The following PNPLA1 variants were observed in gnomAD, a reference collection of about 807,000 sequenced individuals.
PNPLA1 encodes the protein patatin like domain 1, omega-hydroxyceramide transacylase, also known as omega-hydroxyceramide transacylase.
A neutral mutation model predicts 51.7 loss-of-function variants in PNPLA1; 36 were observed. That is an observed-to-expected ratio of 0.70 (90% CI 0.53 to 0.92). The LOEUF (loss-of-function observed/expected upper bound fraction) is 0.92, where lower values mean the gene tolerates loss of function less well. Ranked by LOEUF, PNPLA1 falls within the 40% of genes least tolerant of loss-of-function variation. The probability of loss-of-function intolerance (pLI) is 0.00; values close to 1 mark genes in which losing one functional copy is unlikely to be tolerated. For missense variants in PNPLA1, 658 were observed against 682.5 expected (o/e 0.96, Z 0.40); for synonymous variants, 293 against 280.1 (o/e 1.05, Z -0.46).
rs905820132 is a variant in PNPLA1, at chr6:36,291,647, C to G, written c.438+95C>G. 15 of 1,046,098 alleles carry G rather than the reference C, an allele frequency of 1.4e-5. No individual in the cohort carries two copies. In the Admixed American group the frequency reaches 2.4e-4, roughly 16 times the overall value. The allele number at this position is 1,046,098 out of a possible 1,614,324, so 64.8% of individuals were successfully genotyped here. On this transcript the variant is annotated intron_variant, in intron 2 of 8. Coordinates refer to ENST00000636260, the MANE Select transcript of PNPLA1 (RefSeq NM_001374623.1). ...CAGCTCAACCCGATGCCTTATCCAC[C>G]TGCCTCACTTCCCTAGTCCTTCCCT...
chr6:36,303,016 A>G (rs569726189), intron 6 of PNPLA1, among the ~76,000 whole-genome samples: 1 of 152,344 alleles, frequency 6.6e-6, no homozygotes, highest in South Asian at 2.1e-4. Flanking sequence ...AGGTATTTCC[A>G]CAACATCCCG....
Position 36,302,426 on chromosome 6 carries a change from T to C in PNPLA1, c.1341T>C (p.Pro447=). 6.4e-7 allele frequency: 1 copy of C among 1,565,532 alleles called. No individual in the cohort carries two copies. The highest frequency in any genetic ancestry group is 8.7e-7 in the Non-Finnish European group (1 of 1,154,400). ...TLPRSSLSAF[P]AQPPVEELGQ... ...CCCGAAGTTCTCTTTCAGCCTTCCC[T>C]GCTCAGCCACCTGTGGAGGAACTAG... is the stretch of plus-strand genomic sequence containing the variant. The change falls in exon 6 of 9, where the codon CCT becomes CCC. Residue 447 remains proline, a synonymous_variant. Coordinates refer to ENST00000636260, the MANE Select transcript of PNPLA1 (RefSeq NM_001374623.1).
chr6:36,256,693 G>A (rs772626226), intron 1 of PNPLA1, among the ~76,000 whole-genome samples: 1 of 152,078 alleles, frequency 6.6e-6, no homozygotes, highest in Non-Finnish European at 1.5e-5. Context: ...TGATCCACCC[G>A]CCTCAGGCTC....
intron 5 of PNPLA1, among the ~76,000 whole-genome samples, chr6:36,298,920 G>A (rs1184010633): frequency 6.6e-6 from 1 of 152,162 alleles, no homozygotes; most frequent in Non-Finnish European, 1.5e-5. Context: ...TGTATTTTTA[G>A]TAGAGACAGG....
In PNPLA1 at chr6:36,293,207, G is replaced by A. The variant is rs1288490263; in HGVS notation, c.504+81G>A. On this transcript the variant is annotated intron_variant, in intron 3 of 8. Transcript: ENST00000636260. ...TGTGACTCACACCTGGGGGAGCAGG[G>A]GGGTGGTCTCAGAATGCAGCGGGAG... 46 of 1,409,892 alleles carry A rather than the reference G, an allele frequency of 3.3e-5. 3 individuals are homozygous for A. In the South Asian group the frequency reaches 4.1e-4, roughly 13 times the overall value. The allele number at this position is 1,409,892 out of a possible 1,614,324, so 87.3% of individuals were successfully genotyped here.
At chr6:36,267,583 G>T (rs949256189), upstream of PNPLA1, among the ~76,000 whole-genome samples, 4 of 152,184 alleles carry the variant, frequency 2.6e-5, no homozygotes, top group Non-Finnish European at 5.9e-5. Flanking sequence ...CTGAAGGGGT[G>T]GTGGGTCCCC....
At chr6:36,244,314 A>G (rs1018530752) in intron 1 of PNPLA1, among the ~76,000 whole-genome samples, 4 of 152,204 alleles carry the variant, frequency 2.6e-5, no homozygotes, top group South Asian at 2.1e-4. Flanking sequence ...TTCAATTCAT[A>G]TATAAATGAG....
At chr6:36,253,331 G>A (rs1769462328) in intron 1 of PNPLA1, among the ~76,000 whole-genome samples, 1 of 152,158 alleles carries the variant, frequency 6.6e-6, no homozygotes, top group African/African-American at 2.4e-5. Flanking sequence ...CTGCAATGTA[G>A]CTTTACAATG....
At chr6:36,274,473 G>T (rs751983162) in intron 1 of PNPLA1, among the ~76,000 whole-genome samples, 3 of 152,108 alleles carry the variant, frequency 2.0e-5, no homozygotes, top group Admixed American at 6.5e-5. Flanking sequence ...GTTAGAAGCC[G>T]AAAAGGAACC....
At chr6:36,255,091 T>TA (rs1175143178) in intron 1 of PNPLA1, among the ~76,000 whole-genome samples, 1 of 152,148 alleles carries the variant, frequency 6.6e-6, no homozygotes, top group Non-Finnish European at 1.5e-5. Flanking sequence ...ACAGAGGTTT[T>TA]AAAAAAATCT....
intron 1 of PNPLA1, among the ~76,000 whole-genome samples, chr6:36,286,741 C>A (rs1327110507): frequency 1.3e-5 from 2 of 152,018 alleles, no homozygotes; most frequent in Non-Finnish European, 1.5e-5. Flanking sequence ...TGCAGTGGTG[C>A]AATCATGGCT....
At chr6:36,290,662 G>T (rs1016948238) in intron 1 of PNPLA1, among the ~76,000 whole-genome samples, 4 of 152,184 alleles carry the variant, frequency 2.6e-5, no homozygotes, top group African/African-American at 9.7e-5. Context: ...CCCGAATAGC[G>T]CATCTGCCCA....
intron 1 of PNPLA1, among the ~76,000 whole-genome samples, chr6:36,276,237 G>A (rs1424130480): frequency 6.6e-6 from 1 of 152,164 alleles, no homozygotes; most frequent in African/African-American, 2.4e-5. Flanking sequence ...GGGATTACAG[G>A]CGTGAGCCAC....
At chr6:36,311,314 G>A (rs1015111162) in intron 8 of PNPLA1, among the ~76,000 whole-genome samples, 1 of 152,240 alleles carries the variant, frequency 6.6e-6, no homozygotes, top group Non-Finnish European at 1.5e-5. Flanking sequence ...CTGAGGATAA[G>A]GGTGTGGGAG....
intron 1 of PNPLA1, among the ~76,000 whole-genome samples, chr6:36,284,995 G>C (rs376094353): frequency 6.6e-6 from 1 of 152,108 alleles, no homozygotes; most frequent in Non-Finnish European, 1.5e-5. Flanking sequence ...AATAAACCAG[G>C]GTCACTGCTC....
chr6:36,243,980 G>A (rs2127305633), intron 1 of PNPLA1, among the ~76,000 whole-genome samples: 1 of 152,280 alleles, frequency 6.6e-6, no homozygotes, highest in African/African-American at 2.4e-5. Context: ...TAATTGTCAT[G>A]CCCCTTTCCT....
chr6:36,251,100 A>G (rs1769414261), intron 1 of PNPLA1, among the ~76,000 whole-genome samples: 1 of 152,222 alleles, frequency 6.6e-6, no homozygotes, highest in Non-Finnish European at 1.5e-5. Flanking sequence ...TAGGGAACCA[A>G]CAGTTCTGCC....
chr6:36,289,526 C>T (rs12055798), intron 1 of PNPLA1, among the ~76,000 whole-genome samples: 1 of 152,228 alleles, frequency 6.6e-6, no homozygotes, highest in East Asian at 1.9e-4. Flanking sequence ...CAGGAGCACC[C>T]TCCCCTGTAG....
Position 36,294,057 on chromosome 6 carries a change from C to A in PNPLA1, c.505-133C>A. Reference sequence around the variant, plus strand: ...CCAGGACCTCCGTCTCCAGGCTTATCCTGAGGGGTCTTCTGGATCTTCCTT... The same window carrying A: ...CCAGGACCTCCGTCTCCAGGCTTATACTGAGGGGTCTTCTGGATCTTCCTT... On this transcript the variant is annotated intron_variant, in intron 3 of 8. Coordinates refer to ENST00000636260, the MANE Select transcript of PNPLA1 (RefSeq NM_001374623.1). The surrounding 1 kb of genome is among the most constrained non-coding windows in gnomAD (Gnocchi z 4.2). The A allele has an allele frequency of 1.9e-6, 2 of 1,066,002 alleles. No individual in the cohort carries two copies. Among genetic ancestry groups the A allele is most frequent in the Non-Finnish European group, 2.7e-6 (2 of 736,964 alleles). 66.0% of individuals were successfully genotyped at this position (1,066,002 alleles called of 1,614,324 possible).
Sources: allele counts gnomAD v4.1 joint callset (sites outside exome capture counted in the v4.1 genomes callset), GRCh38; gene constraint gnomAD v4.1.1; non-coding constraint Gnocchi (gnomAD v3.1); transcripts MANE v1.5; gene names NCBI Gene and HGNC (gene_info 2026-07-23, HGNC 2026-07-21).